CACNA1A: variants seen among roughly 807,000 people sequenced by gnomAD.
CACNA1A encodes voltage-dependent P/Q-type calcium channel subunit alpha-1A.
A neutral mutation model predicts 262.4 loss-of-function variants in CACNA1A; 57 were observed. The observed-to-expected ratio is 0.22, with a 90% CI of 0.18 to 0.27. CACNA1A has a LOEUF of 0.27. Ranked by LOEUF, CACNA1A falls within the 10% of genes least tolerant of loss-of-function variation. The probability of loss-of-function intolerance (pLI) is 1.00; values close to 1 mark genes in which losing one functional copy is unlikely to be tolerated. For missense variants in CACNA1A, 2,526 were observed against 3,562.8 expected, an observed-to-expected ratio of 0.71 and a Z score of 7.41; for synonymous variants, 1,431 against 1,419.3, an observed-to-expected ratio of 1.01 and a Z score of -0.18.
At chr19:13,473,588 CACTT>C (rs1481037533) in intron 1 of CACNA1A, among the ~76,000 whole-genome samples, 1 of 152,216 alleles carries the variant, frequency 6.6e-6, no homozygotes, top group African/African-American at 2.4e-5. Context: ...TTCTCCCAAA[CACTT>C]ACCACAATTA....
At chr19:13,359,267 A>G (rs750657460) in intron 6 of CACNA1A, among the ~76,000 whole-genome samples, 1 of 152,196 alleles carries the variant, frequency 6.6e-6, no homozygotes, top group Non-Finnish European at 1.5e-5. Flanking sequence ...CCTACGTCCA[A>G]AGATATTACT....
rs1034876149 is a variant in CACNA1A, at chr19:13,285,195, C to A, written c.3565G>T (p.Ala1189Ser). The change falls in exon 21 of 47, where the codon GCC becomes TCC. Residue 1189 changes from alanine to serine, a missense_variant. Physicochemically the swap from Ala to Ser is moderately conservative, Grantham distance 99. Around this residue, in one of 17 missense-constraint regions of CACNA1A, gnomAD observed 765 missense variants for 748.6 expected, o/e 1.02. Coordinates refer to ENST00000360228, the MANE Select transcript of CACNA1A (RefSeq NM_001127222.2). ...NHTVVQVNKN[A>S]NPDPLPKKEE... ...TTTTTTGGCAGTGGGTCTGGGTTGGCGTTTTTGTTCACTGTTGGGACAAGA... is the reference window on the plus strand; with the variant it reads ...TTTTTTGGCAGTGGGTCTGGGTTGGAGTTTTTGTTCACTGTTGGGACAAGA... 3 of 1,613,924 alleles carry A rather than the reference C, an allele frequency of 1.9e-6. No individual in the cohort carries two copies. The highest frequency in any genetic ancestry group is 1.1e-5 in the South Asian group (1 of 91,066).
rs2057719512 is a variant in CACNA1A at position 13,298,592 on chromosome 19, T to A, written c.3041A>T (p.Glu1014Val). The change falls in exon 19 of 47, where the codon GAG (glutamate) becomes GTG (valine). Residue 1014 changes from glutamate to valine, a missense_variant. By Grantham distance (121) the Glu-to-Val change is moderately radical. Around this residue, in one of 17 missense-constraint regions of CACNA1A, gnomAD observed 765 missense variants for 748.6 expected, o/e 1.02. Coordinates refer to ENST00000360228, the MANE Select transcript of CACNA1A (RefSeq NM_001127222.2). ...RHRHGAPATY[E>V]GDARREDKER... ...CTTGTCCTCCCTCCGCGCGTCCCCCTCGTACGTGGCTGGAGCGCCATGCCG... is the reference window on the plus strand; with the variant it reads ...CTTGTCCTCCCTCCGCGCGTCCCCCACGTACGTGGCTGGAGCGCCATGCCG... The A allele has an allele frequency of 6.5e-7, 1 of 1,541,282 alleles. No homozygotes were observed. The highest frequency in any genetic ancestry group is 8.8e-7 in the Non-Finnish European group (1 of 1,142,216).
chr19:13,465,135 T>G (rs2061210638), intron 1 of CACNA1A, among the ~76,000 whole-genome samples: 1 of 151,648 alleles, frequency 6.6e-6, no homozygotes, highest in African/African-American at 2.4e-5. Flanking sequence ...TTCACCATGT[T>G]GGCCAGGCTA....
chr19:13,228,672 G>A, intron 36 of CACNA1A: 1 of 1,199,248 alleles, frequency 8.3e-7, no homozygotes, highest in Non-Finnish European at 1.2e-6. Context: ...TTCCATGGAT[G>A]CTAGCAGGTT....
intron 15 of CACNA1A, among the ~76,000 whole-genome samples, chr19:13,304,753 C>T (rs2057865654): frequency 6.6e-6 from 1 of 151,310 alleles, no homozygotes; most frequent in South Asian, 2.1e-4. Context: ...TGGCTATCTG[C>T]AAGCTAGGAA....
chr19:13,413,399 C>T (rs2060150936), intron 3 of CACNA1A, among the ~76,000 whole-genome samples: 1 of 150,970 alleles, frequency 6.6e-6, no homozygotes, highest in African/African-American at 2.4e-5. Context: ...AGCCACCGTG[C>T]CCGGCCTACA....
At chr19:13,365,503 A>G (rs750744805) in intron 4 of CACNA1A, 34 bp from the exon 5 acceptor site, 6 of 1,602,374 alleles carry the variant, frequency 3.7e-6, no homozygotes, top group Non-Finnish European at 5.1e-6. Context: ...CCATAAGCCC[A>G]TGAGCAAGTA....
chr19:13,323,469 A>AT (rs1171147447), intron 10 of CACNA1A, among the ~76,000 whole-genome samples: 2 of 151,506 alleles, frequency 1.3e-5, no homozygotes, highest in African/African-American at 4.8e-5. Context: ...TTTATTTTTT[A>AT]TTTTGAGACA....
At chr19:13,453,939 G>A (rs894587204) in intron 2 of CACNA1A, among the ~76,000 whole-genome samples, 1 of 152,030 alleles carries the variant, frequency 6.6e-6, no homozygotes, top group Non-Finnish European at 1.5e-5. Context: ...TGCTAGGCTA[G>A]TTATAGTTTT....
rs1241716576 is a variant in CACNA1A, at chr19:13,214,311, C to T, written c.5862G>A (p.Lys1954=). 2.5e-6 allele frequency: 4 copies of T among 1,612,862 alleles called. No homozygotes were observed. Among genetic ancestry groups the T allele is most frequent in the South Asian group, 2.2e-5 (2 of 91,080 alleles). The change falls in exon 40 of 47, where the codon AAG becomes AAA. Residue 1954 remains lysine, a synonymous_variant. Transcript: ENST00000360228. This position sits in a 1 kb window ranked among gnomAD's most constrained non-coding sequence, Gnocchi z 4.1. ...CCATGATCATCATGGCTGCGTAGAT[C>T]TTCCCCACGGTGAGGTCCGTGGCTG... The part of the protein sequence containing the change: ...PHKSTDLTVG[K]IYAAMMIMEY...
intron 11 of CACNA1A, chr19:13,316,240 G>C (rs1202311637): frequency 6.6e-6 from 1 of 152,186 alleles, no homozygotes; most frequent in Admixed American, 6.5e-5. Flanking sequence ...TTACAGGTGT[G>C]AGCCACCATG....
intron 3 of CACNA1A, among the ~76,000 whole-genome samples, chr19:13,430,761 A>G (rs2060491788): frequency 6.6e-6 from 1 of 152,166 alleles, no homozygotes; most frequent in African/African-American, 2.4e-5. Flanking sequence ...TAACCAATAA[A>G]CAAGTAAATA....
Position 13,299,275 on chromosome 19 carries a change from C to T in CACNA1A, c.2358G>A (p.Leu786=), listed in dbSNP as rs749958045. The change falls in exon 19 of 47, where the codon TTG becomes TTA. Residue 786 remains leucine, a synonymous_variant. Transcript: ENST00000360228. ...TATACAGGGCCTCCCGGCTGGCCAG[C>T]AAGTTCTGCTTTCGCATCTCACTGG... The part of the protein sequence containing the change: ...QRTSEMRKQN[L]LASREALYNE... The T allele has an allele frequency of 6.2e-6, 10 of 1,605,188 alleles. No individual in the cohort carries two copies. Among genetic ancestry groups the T allele is most frequent in the Middle Eastern group, 1.6e-4 (1 of 6,084 alleles).
chr19:13,248,566 G>C (rs1045518693), intron 30 of CACNA1A, among the ~76,000 whole-genome samples: 1 of 152,088 alleles, frequency 6.6e-6, no homozygotes, highest in East Asian at 1.9e-4. Flanking sequence ...CTGCAGGCTA[G>C]GTACGGTGGC....
rs561127706 is a variant in CACNA1A at position 13,449,150 on chromosome 19, T to A, written c.539+3726A>T. On this transcript the variant is annotated intron_variant, in intron 3 of 46. Coordinates refer to ENST00000360228, the MANE Select transcript of CACNA1A (RefSeq NM_001127222.2). ...CCTGGCTAATTTTTTGCATTTTTTTTATAGATGGGGTTTCACCATGTTGCC... is the reference window on the plus strand; with the variant it reads ...CCTGGCTAATTTTTTGCATTTTTTTAATAGATGGGGTTTCACCATGTTGCC... Among the ~76,000 whole-genome samples the A allele has an allele frequency of 3.3e-5, 5 of 151,686 alleles. 1 individual carries two copies. Among genetic ancestry groups the A allele is most frequent in the African/African-American group, 9.7e-5 (4 of 41,318 alleles).
At chr19:13,345,852 CT>C (rs1326837894) in intron 6 of CACNA1A, among the ~76,000 whole-genome samples, 1 of 150,012 alleles carries the variant, frequency 6.7e-6, no homozygotes, top group African/African-American at 2.5e-5. Context: ...CAAAACTGTC[CT>C]GGTTTGGATC....
At position 13,505,655 on chromosome 19, in the gene CACNA1A, T is replaced by C. The variant is rs112198999; in HGVS notation, c.293+277A>G. ...CTCCTGCACGACCCCAGGCCCCAGA[T>C]CTCATTCTAGAGTCGGTCCTTGGGA... is the stretch of plus-strand genomic sequence containing the variant. On this transcript the variant is annotated intron_variant, in intron 1 of 46. Coordinates refer to ENST00000360228, the MANE Select transcript of CACNA1A (RefSeq NM_001127222.2). Among the ~76,000 whole-genome samples, 13,450 of 151,340 alleles carry C rather than the reference T, an allele frequency of 0.089. 1,956 individuals carry two copies. The highest frequency in any genetic ancestry group is 0.3 in the African/African-American group (12,520 of 41,212).
chr19:13,211,687 T>A (rs761299310), intron 43 of CACNA1A: 34 of 217,256 alleles, frequency 1.6e-4, no homozygotes, highest in Middle Eastern at 1.8e-3. Flanking sequence ...GGCGCACAGC[T>A]GCACATGTGT....
Sources: gnomAD v4.1 joint callset for allele counts (sites outside exome capture counted in the v4.1 genomes callset) on GRCh38, gnomAD v4.1.1 for gene constraint, gnomAD v4.1.1 regional missense constraint, Gnocchi (gnomAD v3.1) non-coding constraint, MANE v1.5 for transcripts, NCBI Gene and HGNC (gene_info 2026-07-23, HGNC 2026-07-21) for gene names.